MYRFL: variants seen among roughly 807,000 people sequenced by gnomAD.
MYRFL encodes the protein myelin regulatory factor like, also known as myelin regulatory factor-like protein.
Under a neutral mutation model 109.4 loss-of-function variants are expected in MYRFL, and 88 were observed. The ratio of observed to expected loss-of-function variants is 0.80; its 90% CI spans 0.68 to 0.96. The LOEUF is 0.96. MYRFL is among the 40% of genes least tolerant of loss of function. The pLI is 0.00. For missense variants in MYRFL, 957 were observed against 954.9 expected (o/e 1.00, Z -0.03); for synonymous variants, 324 against 320.9 (o/e 1.01, Z -0.10).
At chr12:69,900,670 T>C (rs536607403) in intron 10 of MYRFL, among the ~76,000 whole-genome samples, 2 of 152,286 alleles carry the variant, frequency 1.3e-5, no homozygotes, top group African/African-American at 4.8e-5. Flanking sequence ...CTTCCTCAGG[T>C]CAAGCTCTTC....
chr12:69,910,774 A>G (rs1954542565), intron 12 of MYRFL, 47 bp from the exon 13 acceptor site: 1 of 1,366,536 alleles, frequency 7.3e-7, no homozygotes, highest in South Asian at 1.3e-5. Flanking sequence ...TTTTCTCCAG[A>G]AAGATCTTTC....
chr12:69,917,274 C>A (rs577806501), intron 13 of MYRFL, among the ~76,000 whole-genome samples: 1 of 152,282 alleles, frequency 6.6e-6, no homozygotes, highest in East Asian at 1.9e-4. Flanking sequence ...CTGCTGCAGA[C>A]CCTATCCACC....
chr12:69,922,620 A>G (rs541261728), intron 13 of MYRFL, among the ~76,000 whole-genome samples: 1 of 152,306 alleles, frequency 6.6e-6, no homozygotes, highest in East Asian at 1.9e-4. Flanking sequence ...AGCAACCTCC[A>G]ACATCATACT....
intron 11 of MYRFL, among the ~76,000 whole-genome samples, chr12:69,908,050 C>G (rs929812211): frequency 1.2e-4 from 18 of 152,108 alleles, no homozygotes; most frequent in African/African-American, 4.1e-4. Context: ...CTGTCTCGGG[C>G]CTTGGTTCAT....
At chr12:69,955,959 T>A (rs180911935) in intron 22 of MYRFL, among the ~76,000 whole-genome samples, 113 of 152,250 alleles carry the variant, frequency 7.4e-4, no homozygotes, top group African/African-American at 2.6e-3. Flanking sequence ...TTTGAGCTAC[T>A]GTTTCTTTAT....
chr12:69,835,177 G>C (rs1882860953), intron 1 of MYRFL, among the ~76,000 whole-genome samples: 2 of 152,118 alleles, frequency 1.3e-5, no homozygotes, highest in African/African-American at 4.8e-5. Flanking sequence ...GGAAAGGCCG[G>C]GGTGGTATAA....
chr12:69,890,331 C>T (rs562058193), intron 6 of MYRFL, among the ~76,000 whole-genome samples: 2 of 152,158 alleles, frequency 1.3e-5, no homozygotes, highest in Non-Finnish European at 2.9e-5. Flanking sequence ...GTTGACTTCT[C>T]AACATCTAGC....
chr12:69,862,780 C>T (rs1884769985), intron 2 of MYRFL, among the ~76,000 whole-genome samples: 1 of 152,176 alleles, frequency 6.6e-6, no homozygotes, highest in Non-Finnish European at 1.5e-5. Flanking sequence ...GAACTTCCAA[C>T]ACTACGTTGA....
intron 19 of MYRFL, among the ~76,000 whole-genome samples, chr12:69,945,497 G>A (rs1955803887): frequency 1.3e-5 from 2 of 152,160 alleles, no homozygotes; most frequent in South Asian, 2.1e-4. Flanking sequence ...AAGCAATATA[G>A]CCTAGGTGTG....
intron 1 of MYRFL, among the ~76,000 whole-genome samples, chr12:69,826,495 C>G (rs141846199): frequency 6.6e-6 from 1 of 152,094 alleles, no homozygotes; most frequent in Non-Finnish European, 1.5e-5. Flanking sequence ...TTATTGTATA[C>G]ATGCAAAAAT....
chr12:69,918,671 G>A (rs1456687492), intron 13 of MYRFL, among the ~76,000 whole-genome samples: 3 of 152,144 alleles, frequency 2.0e-5, no homozygotes, highest in Non-Finnish European at 4.4e-5. Flanking sequence ...AGTTAAAGGA[G>A]CATCATATTG....
intron 1 of MYRFL, among the ~76,000 whole-genome samples, chr12:69,838,577 T>C (rs1342176713): frequency 6.6e-6 from 1 of 152,262 alleles, no homozygotes; most frequent in Non-Finnish European, 1.5e-5. Context: ...GCTTAACATG[T>C]AGTCAATTGT....
intron 2 of MYRFL, among the ~76,000 whole-genome samples, chr12:69,860,432 C>A (rs1305493462): frequency 6.6e-6 from 1 of 152,002 alleles, no homozygotes; most frequent in East Asian, 1.9e-4. Flanking sequence ...TGTTATATAT[C>A]TTTTGCCATC....
At chr12:69,930,629 G>A (rs1016180781) in intron 15 of MYRFL, among the ~76,000 whole-genome samples, 5 of 151,858 alleles carry the variant, frequency 3.3e-5, no homozygotes, top group African/African-American at 1.2e-4. Context: ...GACTGGCCTG[G>A]ACAACACAGT....
chr12:69,891,570 T>A (rs900994373), intron 7 of MYRFL, among the ~76,000 whole-genome samples: 8 of 103,896 alleles, frequency 7.7e-5, no homozygotes, highest in African/African-American at 2.8e-4. Context: ...AATTTCTTTC[T>A]TTCTTTCTTT....
chr12:69,938,750 A>T (rs922825361), intron 19 of MYRFL, among the ~76,000 whole-genome samples: 1 of 152,206 alleles, frequency 6.6e-6, no homozygotes, highest in African/African-American at 2.4e-5. Flanking sequence ...GATGCAGAAG[A>T]CGGGTGATTT....
At chr12:69,867,777 C>T (rs1885094868) in intron 2 of MYRFL, among the ~76,000 whole-genome samples, 1 of 152,046 alleles carries the variant, frequency 6.6e-6, no homozygotes. Context: ...TGAGAGAGTA[C>T]GTGGAGTTCT....
chr12:69,839,624 G>A (rs927174516), intron 1 of MYRFL, among the ~76,000 whole-genome samples: 2 of 152,130 alleles, frequency 1.3e-5, no homozygotes, highest in Non-Finnish European at 2.9e-5. Flanking sequence ...ACTTAAGCTC[G>A]CTAAGACAAC....
chr12:69,834,107 G>C (rs552378720), intron 1 of MYRFL, among the ~76,000 whole-genome samples: 15 of 152,240 alleles, frequency 9.9e-5, no homozygotes, highest in African/African-American at 3.4e-4. Context: ...ACAGAGGAAA[G>C]TTAGGCAGCA....
Sources: gnomAD v4.1 joint callset for allele counts (sites outside exome capture counted in the v4.1 genomes callset) on GRCh38, gnomAD v4.1.1 for gene constraint, MANE v1.5 for transcripts, NCBI Gene and HGNC (gene_info 2026-07-23, HGNC 2026-07-21) for gene names.